GBP7: variants seen among roughly 807,000 people sequenced by gnomAD.
GBP7 encodes the protein guanylate binding protein 7.
A neutral mutation model predicts 61.3 loss-of-function variants in GBP7; 43 were observed. The observed-to-expected ratio is 0.70, with a 90% CI of 0.55 to 0.91. The LOEUF is 0.91. Among genes scored for constraint, GBP7 ranks in the 40% least tolerant of loss-of-function variants. The pLI is 0.00. For synonymous variants in GBP7, 267 were observed against 271.0 expected, an observed-to-expected ratio of 0.99 and a Z score of 0.14; for missense variants, 717 against 740.5, an observed-to-expected ratio of 0.97 and a Z score of 0.37.
In GBP7 at chr1:89,164,722, C is replaced by G; in HGVS notation, c.318+9G>C. On this transcript the variant is annotated intron_variant, in intron 3 of 10. Coordinates refer to ENST00000294671, the MANE Select transcript of GBP7 (RefSeq NM_207398.3). ...AGGTAAAGAAGATTTCTCTATGTCTCTTTCTTACCTTTTCCATATCACCCA... is the reference window on the plus strand; with the variant it reads ...AGGTAAAGAAGATTTCTCTATGTCTGTTTCTTACCTTTTCCATATCACCCA... 3 of 1,613,352 alleles carry G rather than the reference C, an allele frequency of 1.9e-6. No individual in the cohort carries two copies. The highest frequency in any genetic ancestry group is 4.5e-5 in the East Asian group (2 of 44,838).
chr1:89,168,891 C>G (rs765148105), intron 2 of GBP7, among the ~76,000 whole-genome samples: 1 of 152,104 alleles, frequency 6.6e-6, no homozygotes. Context: ...ATCGCTTGAA[C>G]CCGGGAGGCG....
intron 5 of GBP7, 148 bp downstream of exon 5, chr1:89,152,120 A>C (rs1682214947): frequency 1.6e-6 from 1 of 614,584 alleles, no homozygotes; most frequent in African/African-American, 1.8e-5. Context: ...TAACCACAAA[A>C]ATCATAATCA....
In GBP7 at chr1:89,132,172, G is replaced by A; in HGVS notation, c.1894C>T (p.Pro632Ser). Residue 632 changes from proline (P) to serine (S), a missense_variant, in exon 11 of 11, where the codon CCT becomes TCT. Around this residue, in one of 3 missense-constraint regions of GBP7, gnomAD observed 312 missense variants for 310.1 expected, o/e 1.01. Coordinates refer to ENST00000294671, the MANE Select transcript of GBP7 (RefSeq NM_207398.3). ...CCTCAGCTTATAATTTTCTTACCAG[G>A]ATTTCTCAGCCTATTACATAATGAG... ...LSSLCNRLRN[P>S]GKKIIS The A allele has an allele frequency of 6.2e-7, 1 of 1,606,352 alleles. No homozygotes were observed.
At chr1:89,157,270 C>A (rs1210527165) in intron 3 of GBP7, among the ~76,000 whole-genome samples, 12 of 152,122 alleles carry the variant, frequency 7.9e-5, no homozygotes, top group Non-Finnish European at 1.6e-4. Flanking sequence ...CTAAAATTGA[C>A]ATCCTAACAT....
intron 2 of GBP7, among the ~76,000 whole-genome samples, chr1:89,168,965 G>A (rs994432622): frequency 1.2e-4 from 15 of 125,432 alleles, no homozygotes; most frequent in African/African-American, 3.9e-4. Flanking sequence ...GCGAAACTCC[G>A]CCTCAAGTTA....
At position 89,133,270 on chromosome 1, in the gene GBP7, A is replaced by G. The variant is rs752756885; in HGVS notation, c.1650T>C (p.Ser550=). 6.3e-7 allele frequency: 1 copy of G among 1,589,754 alleles called. No homozygotes were observed. The highest frequency in any genetic ancestry group is 8.6e-7 in the Non-Finnish European group (1 of 1,161,438). The change falls in exon 10 of 11, where the codon AGT becomes AGC. Residue 550 remains serine (S), a synonymous_variant. Transcript: ENST00000294671. ...NYMRELRKML[S]HKMKVLEELL... ...CATCCAGACTCACCTTCATCTTGTGACTCAACATCTTTCTCAGTTCTCTCA... is the reference window on the plus strand; with the variant it reads ...CATCCAGACTCACCTTCATCTTGTGGCTCAACATCTTTCTCAGTTCTCTCA...
intron 2 of GBP7, 103 bp from the exon 3 acceptor site, chr1:89,164,961 A>G: frequency 8.6e-7 from 1 of 1,160,982 alleles, no homozygotes; most frequent in Non-Finnish European, 1.2e-6. Flanking sequence ...TGGCAGGGGA[A>G]ACGGGTTGCT....
At chr1:89,148,855 A>G (rs1333804392) in intron 7 of GBP7, among the ~76,000 whole-genome samples, 2 of 152,204 alleles carry the variant, frequency 1.3e-5, no homozygotes, top group African/African-American at 4.8e-5. Context: ...AAAAAATTCT[A>G]TATGTATAAT....
intron 9 of GBP7, among the ~76,000 whole-genome samples, chr1:89,137,913 C>G (rs997227348): frequency 6.6e-6 from 1 of 152,048 alleles, no homozygotes; most frequent in Non-Finnish European, 1.5e-5. Context: ...ATAATTTCTG[C>G]CCAAAGTCTC....
At chr1:89,157,568 G>C (rs148940429) in intron 3 of GBP7, among the ~76,000 whole-genome samples, 2,512 of 151,870 alleles carry the variant, frequency 0.017, 64 homozygotes, top group African/African-American at 0.056. Context: ...TCAGAGAATA[G>C]TATAAACACC....
chr1:89,162,226 T>G (rs938054487), intron 3 of GBP7, among the ~76,000 whole-genome samples: 15 of 152,244 alleles, frequency 9.9e-5, no homozygotes, highest in Admixed American at 4.6e-4. Flanking sequence ...TTCTTTTTGC[T>G]TAGAATTGCG....
intron 3 of GBP7, among the ~76,000 whole-genome samples, chr1:89,155,061 C>T (rs1682282907): frequency 1.3e-5 from 2 of 152,210 alleles, no homozygotes; most frequent in Non-Finnish European, 2.9e-5. Flanking sequence ...TGTTCTGCAG[C>T]CTCCACTGGT....
chr1:89,139,834 C>A (rs1473597715), intron 9 of GBP7, among the ~76,000 whole-genome samples: 2 of 152,028 alleles, frequency 1.3e-5, no homozygotes, highest in African/African-American at 2.4e-5. Context: ...ACACTTTTAC[C>A]CTGTTGGTGG....
At position 89,140,075 on chromosome 1, in the gene GBP7, G is replaced by A. The variant is rs192498750; in HGVS notation, c.1468+1471C>T. Among the ~76,000 whole-genome samples, 485 of 152,090 alleles carry A rather than the reference G, an allele frequency of 3.2e-3. 4 individuals are homozygous for A. Among genetic ancestry groups the A allele is most frequent in the African/African-American group, 0.011 (465 of 41,478 alleles). On this transcript the variant is annotated intron_variant, in intron 9 of 10. Transcript: ENST00000294671. ...CAACAACGATAGACTGGATTGAGAAGATGTGGCACATATACACCATGGAAT... is the reference window on the plus strand; with the variant it reads ...CAACAACGATAGACTGGATTGAGAAAATGTGGCACATATACACCATGGAAT...
intron 2 of GBP7, among the ~76,000 whole-genome samples, chr1:89,168,675 C>A (rs1376243663): frequency 6.6e-6 from 1 of 152,046 alleles, no homozygotes; most frequent in African/African-American, 2.4e-5. Flanking sequence ...TGGCTCACAC[C>A]TGTAATCCCA....
intron 9 of GBP7, among the ~76,000 whole-genome samples, chr1:89,141,219 A>G (rs1681938899): frequency 6.6e-6 from 1 of 152,106 alleles, no homozygotes; most frequent in South Asian, 2.1e-4. Flanking sequence ...GAAAAAAAAA[A>G]AAAGAAAGTA....
chr1:89,139,857 G>C (rs1402619290), intron 9 of GBP7, among the ~76,000 whole-genome samples: 3 of 152,184 alleles, frequency 2.0e-5, no homozygotes, highest in Non-Finnish European at 4.4e-5. Context: ...CTGTAAACTA[G>C]TTCAACCATT....
chr1:89,159,016 A>G (rs1243403611), intron 3 of GBP7, among the ~76,000 whole-genome samples: 4 of 152,200 alleles, frequency 2.6e-5, no homozygotes, highest in Non-Finnish European at 4.4e-5. Context: ...AAACAGAGAT[A>G]TAGACCAATG....
Position 89,132,126 on chromosome 1 carries a change from A to C in GBP7, c.*23T>G, listed in dbSNP as rs1681691232. The stretch of plus-strand genomic sequence containing the variant: ...TACTTTTAAAATGAGCAACAGCGTT[A>C]TACCATTTTAACAAAAGAAACCTCA... On this transcript the variant is annotated 3_prime_UTR_variant, in exon 11 of 11. Transcript: ENST00000294671. The C allele has an allele frequency of 6.3e-7, 1 of 1,578,912 alleles. No individual in the cohort carries two copies. Among genetic ancestry groups the C allele is most frequent in the African/African-American group, 1.4e-5 (1 of 73,190 alleles).
Sources: gnomAD v4.1 joint callset for allele counts (sites outside exome capture counted in the v4.1 genomes callset) on GRCh38, gnomAD v4.1.1 for gene constraint, gnomAD v4.1.1 regional missense constraint, MANE v1.5 for transcripts, NCBI Gene and HGNC (gene_info 2026-07-23, HGNC 2026-07-21) for gene names.